Variants in NELL2 observed in about 807,000 individuals in gnomAD.
NELL2 encodes protein kinase C-binding protein NELL2.
In NELL2, 41 loss-of-function variants were observed where a neutral mutation model predicts 109.6. The observed-to-expected ratio is 0.37, with a 90% confidence interval of 0.29 to 0.49. NELL2 has a LOEUF of 0.49. Among genes scored for constraint, NELL2 ranks in the 20% least tolerant of loss-of-function variants. NELL2 has a pLI of 0.98. For missense variants in NELL2, 900 were observed against 1,008.3 expected, an observed-to-expected ratio of 0.89 and a Z score of 1.45; for synonymous variants, 355 against 344.7, an observed-to-expected ratio of 1.03 and a Z score of -0.33.
chr12:44,608,667 T>G (rs990877128), intron 14 of NELL2, among the ~76,000 whole-genome samples: 1 of 151,908 alleles, frequency 6.6e-6, no homozygotes, highest in African/African-American at 2.4e-5. Context: ...TCTATGAACT[T>G]TATTCTTCAT....
intron 12 of NELL2, among the ~76,000 whole-genome samples, chr12:44,681,703 T>A (rs1182952511): frequency 6.6e-6 from 1 of 152,170 alleles, no homozygotes; most frequent in Non-Finnish European, 1.5e-5. Flanking sequence ...TTACTGAGAA[T>A]GATGATTTCC....
chr12:44,637,520 C>G (rs1055152750), intron 13 of NELL2, among the ~76,000 whole-genome samples: 2 of 136,134 alleles, frequency 1.5e-5, no homozygotes, highest in African/African-American at 5.4e-5. Context: ...GAGCGAATAA[C>G]AGGGAGACCA....
At chr12:44,647,502 T>C (rs1054943754) in intron 13 of NELL2, among the ~76,000 whole-genome samples, 1 of 152,062 alleles carries the variant, frequency 6.6e-6, no homozygotes, top group Non-Finnish European at 1.5e-5. Context: ...TAGGGGAAGA[T>C]GGATGTGTAA....
chr12:44,658,060 C>A (rs1947578971), intron 13 of NELL2, among the ~76,000 whole-genome samples: 1 of 152,218 alleles, frequency 6.6e-6, no homozygotes, highest in Admixed American at 6.5e-5. Flanking sequence ...ACCACACTGT[C>A]TTCCACAATG....
intron 9 of NELL2, among the ~76,000 whole-genome samples, chr12:44,771,866 G>A (rs1204335554): frequency 6.6e-6 from 1 of 152,194 alleles, no homozygotes; most frequent in Non-Finnish European, 1.5e-5. Flanking sequence ...CAACTCCGAT[G>A]AAGCAAGCCT....
At chr12:44,624,788 T>A (rs1215511291) in intron 13 of NELL2, among the ~76,000 whole-genome samples, 2 of 118,662 alleles carry the variant, frequency 1.7e-5, no homozygotes, top group African/African-American at 2.7e-5. Context: ...CCTGCTTCTC[T>A]GTCTTCTAAC....
At chr12:44,532,494 G>C (rs548025550) in intron 16 of NELL2, 87 bp downstream of exon 16, 1 of 1,336,748 alleles carries the variant, frequency 7.5e-7, no homozygotes, top group Non-Finnish European at 1.0e-6. Flanking sequence ...CACTAACATT[G>C]GCTCAATGTC....
intron 19 of NELL2, among the ~76,000 whole-genome samples, chr12:44,518,708 G>T (rs192673292): frequency 2.9e-3 from 448 of 152,280 alleles, no homozygotes; most frequent in African/African-American, 0.01. Flanking sequence ...CTCACAGAAA[G>T]ATTAAGGGTG....
At chr12:44,753,863 G>A (rs1940763608) in intron 9 of NELL2, among the ~76,000 whole-genome samples, 1 of 144,376 alleles carries the variant, frequency 6.9e-6, no homozygotes, top group South Asian at 2.2e-4. Context: ...GGAATGTTTT[G>A]TTAAAATTTC....
At chr12:44,850,391 T>C (rs2136777017) in intron 2 of NELL2, among the ~76,000 whole-genome samples, 1 of 152,240 alleles carries the variant, frequency 6.6e-6, no homozygotes, top group Middle Eastern at 3.4e-3. Flanking sequence ...GTCTATTCCA[T>C]TCACTTATTA....
intron 15 of NELL2, among the ~76,000 whole-genome samples, chr12:44,568,423 G>A (rs1227741501): frequency 1.3e-5 from 2 of 152,114 alleles, no homozygotes; most frequent in Non-Finnish European, 2.9e-5. Context: ...ATATCATGAA[G>A]ATGAAGCACA....
intron 15 of NELL2, among the ~76,000 whole-genome samples, chr12:44,564,416 GCTGA>G (rs1012786284): frequency 5.9e-5 from 9 of 152,264 alleles, no homozygotes; most frequent in East Asian, 1.9e-4. Context: ...AGTCTTCAGG[GCTGA>G]CTATTTCTGT....
At chr12:44,814,784 T>G (rs1433738639) in intron 3 of NELL2, among the ~76,000 whole-genome samples, 1 of 152,226 alleles carries the variant, frequency 6.6e-6, no homozygotes, top group Non-Finnish European at 1.5e-5. Context: ...CCTTGCTATA[T>G]TTTGTTCTCC....
At chr12:44,753,003 C>G (rs1052865456) in intron 9 of NELL2, among the ~76,000 whole-genome samples, 4 of 152,142 alleles carry the variant, frequency 2.6e-5, no homozygotes, top group Admixed American at 6.5e-5. Context: ...CCCACCACGA[C>G]CCTTGGACGC....
chr12:44,646,632 G>C (rs1947105062), intron 13 of NELL2, among the ~76,000 whole-genome samples: 1 of 152,180 alleles, frequency 6.6e-6, no homozygotes, highest in South Asian at 2.1e-4. Context: ...GATTGCTGCA[G>C]ATTTTGGTTG....
chr12:44,787,015 A>T (rs7975420), intron 3 of NELL2, among the ~76,000 whole-genome samples: 5,592 of 152,220 alleles, frequency 0.037, 345 homozygotes, highest in African/African-American at 0.13. Flanking sequence ...CATGTTCTGC[A>T]TATGTATCCC....
chr12:44,718,209 C>T (rs991444134), intron 9 of NELL2, among the ~76,000 whole-genome samples: 5 of 152,124 alleles, frequency 3.3e-5, no homozygotes, highest in Non-Finnish European at 7.4e-5. Context: ...GAAAGCAGAT[C>T]GGGCCTATGC....
chr12:44,817,270 C>A (rs1300735272), intron 2 of NELL2, among the ~76,000 whole-genome samples: 1 of 152,168 alleles, frequency 6.6e-6, no homozygotes, highest in Admixed American at 6.6e-5. Context: ...GGAATCACAA[C>A]CTTGATGAAA....
At chr12:44,578,433 G>A (rs201322013) in intron 15 of NELL2, among the ~76,000 whole-genome samples, 148 of 5,650 alleles carry the variant, frequency 0.026, no homozygotes, top group Middle Eastern at 0.11. Context: ...ATCAAGATAG[G>A]AAAAAAAAAG....
Sources: allele counts gnomAD v4.1 joint callset (sites outside exome capture counted in the v4.1 genomes callset), GRCh38; gene constraint gnomAD v4.1.1; transcripts MANE v1.5; gene names NCBI Gene and HGNC (gene_info 2026-07-23, HGNC 2026-07-21).